Variants in MYLK observed in about 807,000 individuals in gnomAD.
MYLK encodes myosin light chain kinase, also known as myosin light chain kinase, smooth muscle.
MYLK carries 106 observed loss-of-function variants against 203.4 expected under a neutral mutation model. The ratio of observed to expected loss-of-function variants is 0.52; its 90% CI spans 0.45 to 0.61. The LOEUF (loss-of-function observed/expected upper bound fraction) is 0.61, where lower values mean the gene tolerates loss of function less well. Ranked by LOEUF, MYLK falls within the 20% of genes least tolerant of loss-of-function variation. The pLI, the probability that MYLK is intolerant of heterozygous loss-of-function variation, is 0.00. For synonymous variants in MYLK, 867 were observed against 959.5 expected, an observed-to-expected ratio of 0.90 and a Z score of 1.78; for missense variants, 2,072 against 2,442.3, an observed-to-expected ratio of 0.85 and a Z score of 3.20.
chr3:123,662,967 C>G (rs1041873626), intron 23 of MYLK, among the ~76,000 whole-genome samples: 2 of 152,118 alleles, frequency 1.3e-5, no homozygotes, highest in African/African-American at 4.8e-5. Flanking sequence ...AAGCCAAGGA[C>G]AAATGGAAAA....
chr3:123,881,184 A>C (rs1189251013), intron 1 of MYLK, among the ~76,000 whole-genome samples: 1 of 152,152 alleles, frequency 6.6e-6, no homozygotes, highest in South Asian at 2.1e-4. Flanking sequence ...GTCACATGGC[A>C]TAGGAGCTCA....
chr3:123,734,356 G>A (rs1431253415), intron 9 of MYLK, 134 bp from the exon 10 acceptor site: 1 of 872,946 alleles, frequency 1.1e-6, no homozygotes, highest in Non-Finnish European at 1.7e-6. Flanking sequence ...TTAAGGGCAA[G>A]TAAGAGCATC....
chr3:123,668,488 T>C (rs568832887), intron 20 of MYLK, among the ~76,000 whole-genome samples: 2 of 131,778 alleles, frequency 1.5e-5, no homozygotes, highest in East Asian at 4.3e-4. Flanking sequence ...AACAGATTAA[T>C]GAATGGTTGC....
chr3:123,713,579 ATGTGTGTGTG>A (rs3085274), intron 13 of MYLK, among the ~76,000 whole-genome samples: 1,519 of 136,454 alleles, frequency 0.011, 15 homozygotes, highest in Middle Eastern at 0.021. Flanking sequence ...GAGCAACACA[ATGTGTGTGTG>A]TGTGTGTGTG....
Position 123,730,460 on chromosome 3 carries a change from G to T in MYLK, c.1516+2436C>A, listed in dbSNP as rs528121730. Reference sequence around the variant, plus strand: ...AACAACTCATACATAAATGTGCATAGCAACACTTTTCACCATAGCTAAAAA... The same window carrying T: ...AACAACTCATACATAAATGTGCATATCAACACTTTTCACCATAGCTAAAAA... On this transcript the variant is annotated intron_variant, in intron 11 of 33. Coordinates refer to ENST00000360304, the MANE Select transcript of MYLK (RefSeq NM_053025.4). Among the ~76,000 whole-genome samples the T allele has an allele frequency of 1.2e-4, 19 of 152,282 alleles. No homozygotes were observed. The South Asian group carries it at 1.5e-3, about 12-fold the overall frequency.
intron 3 of MYLK, among the ~76,000 whole-genome samples, chr3:123,799,192 C>T (rs1282187878): frequency 1.3e-5 from 2 of 151,870 alleles, no homozygotes; most frequent in Admixed American, 6.5e-5. Flanking sequence ...TACCCCTCAC[C>T]CCTCACCCCC....
rs1381709468 is a variant in MYLK at position 123,637,929 on chromosome 3, G to C, written c.4961+142C>G. 7.9e-6 allele frequency: 10 copies of C among 1,272,614 alleles called. No homozygotes were observed. The East Asian group carries it at 2.0e-4, about 25-fold the overall frequency. The allele number at this position is 1,272,614 out of a possible 1,614,324, so 78.8% of individuals were successfully genotyped here. A position where few individuals can be genotyped will look rare whatever the true frequency, so the allele number is the denominator to read the frequency against. On this transcript the variant is annotated intron_variant, in intron 29 of 33. Coordinates refer to ENST00000360304, the MANE Select transcript of MYLK (RefSeq NM_053025.4). ...GTGGGCTGCCAGGGATAGGAGGGGA[G>C]CCTGCCACCCTCCTGACTCTGGGGG... is the stretch of plus-strand genomic sequence containing the variant.
chr3:123,626,401 C>T (rs936299067), intron 31 of MYLK, among the ~76,000 whole-genome samples: 27 of 152,220 alleles, frequency 1.8e-4, no homozygotes, highest in Admixed American at 1.4e-3. Context: ...CCATGTCTCT[C>T]TCTTTAGATC....
At chr3:123,701,577 T>C in intron 16 of MYLK, 68 bp from the exon 17 acceptor site, 1 of 1,504,726 alleles carries the variant, frequency 6.6e-7, no homozygotes, top group South Asian at 1.1e-5. Context: ...CAGTGTGGAC[T>C]TGATCACAGG....
chr3:123,714,745 G>T (rs1005100781), intron 13 of MYLK, among the ~76,000 whole-genome samples: 4 of 152,174 alleles, frequency 2.6e-5, no homozygotes, highest in Non-Finnish European at 5.9e-5. Context: ...GATCTAAAGT[G>T]CATTTATCTG....
Position 123,763,737 on chromosome 3 carries a change from T to A in MYLK, c.166-11199A>T, listed in dbSNP as rs573825277. Among the ~76,000 whole-genome samples, 17 of 152,316 alleles carry A rather than the reference T, an allele frequency of 1.1e-4. No homozygotes were observed. In the East Asian group the frequency reaches 3.3e-3, roughly 29 times the overall value. ...GTGTTTTCCTTTCAAACTTTTAGAA[T>A]CTTCTTTTCATTCTGATATTCTAGA... On this transcript the variant is annotated intron_variant, in intron 4 of 33. Coordinates refer to ENST00000360304, the MANE Select transcript of MYLK (RefSeq NM_053025.4).
At chr3:123,673,354 G>A (rs2059978104) in intron 20 of MYLK, among the ~76,000 whole-genome samples, 1 of 151,712 alleles carries the variant, frequency 6.6e-6, no homozygotes, top group Non-Finnish European at 1.5e-5. Context: ...GCTCAAGTGA[G>A]CTCCCACTTT....
At chr3:123,697,426 A>G (rs1183009445) in intron 18 of MYLK, among the ~76,000 whole-genome samples, 1 of 152,210 alleles carries the variant, frequency 6.6e-6, no homozygotes, top group Non-Finnish European at 1.5e-5. Flanking sequence ...GACAACTCTT[A>G]ACAAAATCGA....
intron 2 of MYLK, among the ~76,000 whole-genome samples, chr3:123,860,479 C>G (rs934535102): frequency 6.6e-6 from 1 of 152,130 alleles, no homozygotes; most frequent in Non-Finnish European, 1.5e-5. Context: ...GATCAGGGAG[C>G]CAAGGACATA....
intron 10 of MYLK, 56 bp from the exon 11 acceptor site, chr3:123,733,158 T>TTGTGAGGTAGGTGGGGAAGG (rs1180985737): frequency 1.7e-5 from 27 of 1,572,150 alleles, no homozygotes; most frequent in Middle Eastern, 1.7e-4. Context: ...CACCCTGTGA[T>TTGTGAGGTAGGTGGGGAAGG]TGTGAGGTAG....
chr3:123,686,667 T>G (rs187715659), intron 19 of MYLK, among the ~76,000 whole-genome samples: 19 of 152,262 alleles, frequency 1.2e-4, no homozygotes, highest in Middle Eastern at 6.8e-3. Context: ...GTTCCTGAAC[T>G]TTTCTGAGTC....
At chr3:123,796,670 G>A (rs914037664) in intron 3 of MYLK, among the ~76,000 whole-genome samples, 3 of 152,128 alleles carry the variant, frequency 2.0e-5, no homozygotes, top group East Asian at 1.9e-4. Flanking sequence ...TCTTGGCTCC[G>A]ACAATAATCC....
chr3:123,708,769 G>C lies in MYLK; in HGVS notation c.2069C>G (p.Thr690Arg), dbSNP rs368417112. ...LCIQEVFPED[T>R]GTYTCEAWNS... ...CCAGGCCTCGCAGGTGTACGTGCCCGTGTCCTCCGGGAACACTTCCTGGAT... is the reference window on the plus strand; with the variant it reads ...CCAGGCCTCGCAGGTGTACGTGCCCCTGTCCTCCGGGAACACTTCCTGGAT... The change falls in exon 15 of 34, where the codon ACG becomes AGG. Residue 690 changes from threonine to arginine, a missense_variant. Thr to Arg is a moderately conservative substitution (Grantham distance 71). Transcript: ENST00000360304. The C allele has an allele frequency of 5.0e-6, 8 of 1,614,160 alleles. No homozygotes were observed. Among genetic ancestry groups the C allele is most frequent in the Non-Finnish European group, 6.8e-6 (8 of 1,180,032 alleles).
chr3:123,783,868 T>A (rs993447121), intron 4 of MYLK, among the ~76,000 whole-genome samples: 2 of 152,234 alleles, frequency 1.3e-5, no homozygotes, highest in African/African-American at 4.8e-5. Context: ...ACAGGAGTGA[T>A]GAGAAATTTC....
Sources: gnomAD v4.1 joint callset for allele counts (sites outside exome capture counted in the v4.1 genomes callset) on GRCh38, gnomAD v4.1.1 for gene constraint, MANE v1.5 for transcripts, NCBI Gene and HGNC (gene_info 2026-07-23, HGNC 2026-07-21) for gene names.